The following P2RY8 variants were observed in gnomAD, a reference collection of about 807,000 sequenced individuals.
The protein encoded by P2RY8 is S-geranylgeranyl-glutathione receptor P2RY8.
In P2RY8, 6 loss-of-function variants were observed where a neutral mutation model predicts 10.0. The ratio of observed to expected loss-of-function variants is 0.60; its 90% confidence interval spans 0.33 to 1.19. The LOEUF is 1.19. Ranked by LOEUF, P2RY8 falls within the 50% of genes most tolerant of loss-of-function variation. The probability of loss-of-function intolerance (pLI) is 0.04; values close to 1 mark genes in which losing one functional copy is unlikely to be tolerated. For synonymous variants in P2RY8, 276 were observed against 252.5 expected (o/e 1.09, Z -0.88); for missense variants, 456 against 542.0 (o/e 0.84, Z 1.58).
intron 1 of P2RY8, among the ~76,000 whole-genome samples, chrX:1,472,215 A>T (rs2091796200): frequency 6.6e-6 from 1 of 152,040 alleles, no homozygotes; most frequent in African/African-American, 2.4e-5. Context: ...AGTGAAGTCA[A>T]AATGTGGTCA....
At chrX:1,466,728 C>CTCCG (rs1194742315) in intron 1 of P2RY8, 146 bp from the exon 2 acceptor site, 8 of 691,842 alleles carry the variant, frequency 1.2e-5, no homozygotes, top group Non-Finnish European at 1.9e-5. Context: ...CCCTCCCTCC[C>CTCCG]TTAGTTCCTC....
At chrX:1,486,779 G>A (rs1232871895) in intron 1 of P2RY8, among the ~76,000 whole-genome samples, 1 of 152,192 alleles carries the variant, frequency 6.6e-6, no homozygotes, top group Non-Finnish European at 1.5e-5. Flanking sequence ...CAGGTTTCTG[G>A]TTTACTTCCT....
chrX:1,479,963 A>G (rs1176608072), intron 1 of P2RY8, among the ~76,000 whole-genome samples: 1 of 152,240 alleles, frequency 6.6e-6, no homozygotes, highest in Admixed American at 6.5e-5. Flanking sequence ...GTGAGCCTAT[A>G]TCTCTTAAAG....
Position 1,466,339 on chromosome X carries a change from T to C in P2RY8, c.220A>G (p.Ser74Gly), listed in dbSNP as rs1219209271. ...NLSVTDLMLA[S>G]VLPFQIYYHC... Reference sequence around the variant, plus strand: ...TAGTAGATTTGGAAAGGCAACACGCTGGCCAGCATCAGGTCCGTGACGCTC... The same window carrying C: ...TAGTAGATTTGGAAAGGCAACACGCCGGCCAGCATCAGGTCCGTGACGCTC... Residue 74 changes from serine to glycine, a missense_variant, in exon 2 of 2, where the codon AGC becomes GGC. Physicochemically the swap from Ser to Gly is moderately conservative, Grantham distance 56. Coordinates refer to ENST00000381297, the MANE Select transcript of P2RY8 (RefSeq NM_178129.5). 8.1e-6 allele frequency: 13 copies of C among 1,613,718 alleles called. No homozygotes were observed. The highest frequency in any genetic ancestry group is 1.0e-5 in the Non-Finnish European group (12 of 1,179,856).
intron 1 of P2RY8, among the ~76,000 whole-genome samples, chrX:1,520,601 C>T (rs2092383867): frequency 6.6e-6 from 1 of 151,486 alleles, no homozygotes; most frequent in Non-Finnish European, 1.5e-5. Context: ...CTAATAATTT[C>T]TCTGGTCCCC....
intron 1 of P2RY8, among the ~76,000 whole-genome samples, chrX:1,535,708 C>G (rs868671353): frequency 2.1e-5 from 3 of 146,166 alleles, no homozygotes; most frequent in Non-Finnish European, 4.6e-5. Flanking sequence ...CACACACACA[C>G]ACACACAGAC....
chrX:1,524,553 G>C (rs868213774), intron 1 of P2RY8, among the ~76,000 whole-genome samples: 944 of 13,426 alleles, frequency 0.07, 1 homozygote, highest in Middle Eastern at 0.1. Context: ...ATCCATCCAT[G>C]CATGCATCCA....
At chrX:1,528,605 T>C (rs2092453827) in intron 1 of P2RY8, among the ~76,000 whole-genome samples, 1 of 152,190 alleles carries the variant, frequency 6.6e-6, no homozygotes, top group South Asian at 2.1e-4. Context: ...TTTGAATGAG[T>C]GTGGATTTGA....
Position 1,462,879 on chromosome X carries a change from T to C in P2RY8, c.*2600A>G, listed in dbSNP as rs189788814. The C allele has an allele frequency of 3.2e-4, 74 of 232,762 alleles. No homozygotes were observed. The East Asian group carries it at 4.3e-3, about 14-fold the overall frequency. The allele number at this position is 232,762 out of a possible 1,614,324, so 14.4% of individuals were successfully genotyped here. On this transcript the variant is annotated 3_prime_UTR_variant, in exon 2 of 2. Transcript: ENST00000381297. ...ATCTTTTCACTCAAAGCTCAACCAG[T>C]GAACAGACTGAGTCAGCTTCCAGGA...
intron 1 of P2RY8, among the ~76,000 whole-genome samples, chrX:1,520,750 C>G (rs1229857231): frequency 6.6e-6 from 1 of 151,970 alleles, no homozygotes; most frequent in African/African-American, 2.4e-5. Context: ...CCTCAATCAT[C>G]TTCTTGTCTC....
intron 1 of P2RY8, among the ~76,000 whole-genome samples, chrX:1,468,693 G>C (rs1350614446): frequency 6.6e-6 from 1 of 150,964 alleles, no homozygotes; most frequent in Non-Finnish European, 1.5e-5. Context: ...ACAGACCACA[G>C]GTGGGCGCTC....
chrX:1,468,742 C>CCTT (rs2149373650), intron 1 of P2RY8, among the ~76,000 whole-genome samples: 2 of 68,902 alleles, frequency 2.9e-5, no homozygotes, highest in African/African-American at 1.0e-4. Flanking sequence ...TCTCTCCTCT[C>CCTT]TCCTCTCTCC....
chrX:1,526,668 C>T (rs1302647663), intron 1 of P2RY8, among the ~76,000 whole-genome samples: 34 of 151,066 alleles, frequency 2.3e-4, no homozygotes, highest in African/African-American at 7.8e-4. Flanking sequence ...TATCCATCCA[C>T]TTATTCAGCA....
chrX:1,534,160 A>ATATATT, intron 1 of P2RY8, among the ~76,000 whole-genome samples: 1 of 135,548 alleles, frequency 7.4e-6, no homozygotes, highest in African/African-American at 2.8e-5. Context: ...ATTTATATAC[A>ATATATT]ATATATTTAC....
intron 1 of P2RY8, among the ~76,000 whole-genome samples, chrX:1,489,767 C>A (rs1410570397): frequency 7.2e-6 from 1 of 139,672 alleles, no homozygotes; most frequent in African/African-American, 2.7e-5. Flanking sequence ...CCCAGATTCA[C>A]TTCTGCAAAT....
chrX:1,468,096 C>T (rs1341494849), intron 1 of P2RY8, among the ~76,000 whole-genome samples: 2 of 151,646 alleles, frequency 1.3e-5, no homozygotes, highest in Non-Finnish European at 2.9e-5. Context: ...TGCCACCCTG[C>T]CCAGCTAATA....
intron 1 of P2RY8, among the ~76,000 whole-genome samples, chrX:1,489,120 G>A (rs6645255): frequency 0.29 from 44,509 of 151,900 alleles, 6,695 homozygotes; most frequent in Middle Eastern, 0.44. Context: ...TGCAAATGTA[G>A]AGAAAAGTAA....
At chrX:1,491,571 G>C (rs758931048) in intron 1 of P2RY8, among the ~76,000 whole-genome samples, 1 of 152,262 alleles carries the variant, frequency 6.6e-6, no homozygotes, top group Non-Finnish European at 1.5e-5. Flanking sequence ...ATGAGTAAAT[G>C]AGTGAATGAA....
chrX:1,481,862 C>T (rs1342286219), intron 1 of P2RY8, among the ~76,000 whole-genome samples: 3 of 152,148 alleles, frequency 2.0e-5, no homozygotes, highest in Non-Finnish European at 2.9e-5. Context: ...CAAGAATCCT[C>T]CTAGCTAAGC....
Sources: allele counts gnomAD v4.1 joint callset (sites outside exome capture counted in the v4.1 genomes callset), GRCh38; gene constraint gnomAD v4.1.1; transcripts MANE v1.5; gene names NCBI Gene and HGNC (gene_info 2026-07-23, HGNC 2026-07-21).